RBM6: variants seen among roughly 807,000 people sequenced by gnomAD.
The protein encoded by RBM6 is RNA binding motif protein 6.
A neutral mutation model predicts 140.4 loss-of-function variants in RBM6; 23 were observed. That is an observed-to-expected ratio of 0.16 (90% confidence interval 0.12 to 0.23). The LOEUF is 0.23. Ranked by LOEUF, RBM6 falls within the 10% of genes least tolerant of loss-of-function variation. The probability of loss-of-function intolerance (pLI) is 1.00; values close to 1 mark genes in which losing one functional copy is unlikely to be tolerated. For missense variants in RBM6, 1,139 were observed against 1,386.7 expected (o/e 0.82, Z 2.84); for synonymous variants, 439 against 475.6 (o/e 0.92, Z 1.00).
chr3:50,070,592 T>C (rs754872010), intron 19 of RBM6, 40 bp downstream of exon 19: 7 of 1,463,648 alleles, frequency 4.8e-6, no homozygotes, highest in Non-Finnish European at 5.7e-6. Context: ...GCCTCAAGCC[T>C]AATGATAAAA....
At chr3:49,962,756 A>C in intron 2 of RBM6, 71 bp downstream of exon 2, 1 of 1,332,944 alleles carries the variant, frequency 7.5e-7, no homozygotes, top group Non-Finnish European at 1.0e-6. Flanking sequence ...TTCGCCTACT[A>C]TAAATGAAGA....
At chr3:49,947,762 G>A (rs917524780) in intron 1 of RBM6, among the ~76,000 whole-genome samples, 4 of 152,130 alleles carry the variant, frequency 2.6e-5, no homozygotes, top group Non-Finnish European at 5.9e-5. Flanking sequence ...TGTTGTGTAA[G>A]AGTCCCACTT....
At chr3:50,020,775 G>A (rs908740805) in intron 6 of RBM6, among the ~76,000 whole-genome samples, 14 of 152,094 alleles carry the variant, frequency 9.2e-5, no homozygotes, top group African/African-American at 3.4e-4. Flanking sequence ...TTACCATATT[G>A]TATATGATAG....
chr3:50,062,046 A>G lies in RBM6; in HGVS notation c.2524A>G (p.Ser842Gly), dbSNP rs2089962828. ...EKKPTSQGKSSSKKEMSKRDG... is the reference protein window; with the variant it reads ...EKKPTSQGKSGSKKEMSKRDG... The stretch of plus-strand genomic sequence containing the variant: ...AAAACCCACCAGTCAAGGAAAGTCA[A>G]GTAGCAAGAAGGAAATGTCTAAAAG... Residue 842 changes from serine to glycine, a missense_variant, in exon 15 of 21, where the codon AGT becomes GGT. Around this residue, in one of 9 missense-constraint regions of RBM6, gnomAD observed 163 missense variants for 182.8 expected, o/e 0.89. Coordinates refer to ENST00000266022, the MANE Select transcript of RBM6 (RefSeq NM_005777.3). The G allele has an allele frequency of 6.2e-7, 1 of 1,614,162 alleles. No homozygotes were observed. Among genetic ancestry groups the G allele is most frequent in the Non-Finnish European group, 8.5e-7 (1 of 1,180,008 alleles).
intron 8 of RBM6, 65 bp from the exon 9 acceptor site, chr3:50,057,663 G>GTT: frequency 7.1e-7 from 1 of 1,416,254 alleles, no homozygotes; most frequent in Middle Eastern, 1.9e-4. Context: ...CAGTAGCAGT[G>GTT]TTTTTTCTTT....
intron 6 of RBM6, among the ~76,000 whole-genome samples, chr3:50,041,494 A>G (rs1292202648): frequency 6.6e-6 from 1 of 152,220 alleles, no homozygotes; most frequent in Non-Finnish European, 1.5e-5. Context: ...GAACTATAAC[A>G]TATCCTTGTA....
intron 6 of RBM6, among the ~76,000 whole-genome samples, chr3:50,039,132 TGAATTCTGAAGG>T (rs1286276338): frequency 1.3e-5 from 2 of 152,180 alleles, no homozygotes; most frequent in African/African-American, 4.8e-5. Context: ...TATAGAATTC[TGAATTCTGAAGG>T]GAATTCTGAG....
chr3:49,982,262 C>CTT lies in RBM6; in HGVS notation c.1483+6897_1483+6898dup, dbSNP rs751604271. Among the ~76,000 whole-genome samples, 81 of 68,396 alleles carry CTT rather than the reference C, an allele frequency of 1.2e-3. 2 individuals carry two copies. The highest frequency in any genetic ancestry group is 1.4e-3 in the African/African-American group (23 of 16,764). The allele number at this position is 68,396 out of a possible 152,430, so 44.9% of individuals were successfully genotyped here. ...GTACCTTCTGCATTTCTTTTCTTTT[C>CTT]TTTTTTTTTTTTTTTTTTTTTTTTT... On this transcript the variant is annotated intron_variant, in intron 5 of 20. Coordinates refer to ENST00000266022, the MANE Select transcript of RBM6 (RefSeq NM_005777.3).
intron 6 of RBM6, among the ~76,000 whole-genome samples, chr3:50,028,031 C>T (rs1466432892): frequency 6.7e-6 from 1 of 149,546 alleles, no homozygotes; most frequent in Admixed American, 6.8e-5. Context: ...TGAATTCTCT[C>T]TTGGGCTGTG....
intron 6 of RBM6, among the ~76,000 whole-genome samples, chr3:50,033,548 A>G (rs2088309862): frequency 6.6e-6 from 1 of 152,206 alleles, no homozygotes; most frequent in South Asian, 2.1e-4. Context: ...GCACTGATGT[A>G]AGTATATGAA....
chr3:50,018,345 T>C (rs2087280463), intron 6 of RBM6, among the ~76,000 whole-genome samples: 1 of 152,198 alleles, frequency 6.6e-6, no homozygotes, highest in Admixed American at 6.5e-5. Flanking sequence ...TTCCTCTATG[T>C]CTTTTTGTGG....
intron 5 of RBM6, among the ~76,000 whole-genome samples, chr3:49,987,325 G>T (rs11130234): frequency 0.51 from 76,450 of 149,614 alleles, 20,473 homozygotes; most frequent in African/African-American, 0.64. Flanking sequence ...TTCCTTTTTT[G>T]TTTTCTTTTT....
At chr3:50,076,211 C>T (rs547245541) in intron 20 of RBM6, among the ~76,000 whole-genome samples, 5 of 151,574 alleles carry the variant, frequency 3.3e-5, no homozygotes, top group Non-Finnish European at 5.9e-5. Context: ...TCAAGTGATC[C>T]GCCCACCTCA....
At chr3:50,062,821 G>A (rs922865274) in intron 15 of RBM6, among the ~76,000 whole-genome samples, 1 of 150,846 alleles carries the variant, frequency 6.6e-6, no homozygotes, top group Admixed American at 6.6e-5. Flanking sequence ...AAAATTCACG[G>A]TATAACTGTA....
At position 49,947,346 on chromosome 3, in the gene RBM6, C is replaced by A. The variant is rs147753536; in HGVS notation, c.-67+7121C>A. On this transcript the variant is annotated intron_variant, in intron 1 of 20. Transcript: ENST00000266022. ...TCAGGAGGCTGAGGTAGGTGGATCT[C>A]TTGAGCCCAGGTGTTTGAGGGTGCA... Among the ~76,000 whole-genome samples, 117 of 149,718 alleles carry A rather than the reference C, an allele frequency of 7.8e-4. No individual in the cohort carries two copies. The East Asian group carries it at 0.02, about 26-fold the overall frequency.
In RBM6 at chr3:50,061,012, G is replaced by C. The variant is rs1459218514; in HGVS notation, c.2271+14G>C. ...CATTACTATCAGGTAGGCTGTAACAGGTGGGGAGTGCTCTATTAAAATCCT... is the reference window on the plus strand; with the variant it reads ...CATTACTATCAGGTAGGCTGTAACACGTGGGGAGTGCTCTATTAAAATCCT... On this transcript the variant is annotated intron_variant, in intron 12 of 20. Coordinates refer to ENST00000266022, the MANE Select transcript of RBM6 (RefSeq NM_005777.3). The C allele has an allele frequency of 6.3e-7, 1 of 1,595,456 alleles. No homozygotes were observed. The highest frequency in any genetic ancestry group is 8.5e-7 in the Non-Finnish European group (1 of 1,170,996).
In RBM6 at chr3:49,968,592, C is replaced by T. The variant is rs374615252; in HGVS notation, c.1167C>T (p.Gly389=). The T allele has an allele frequency of 2.1e-4, 345 of 1,614,054 alleles. 4 individuals carry two copies. The South Asian group carries it at 3.3e-3, about 15-fold the overall frequency. Residue 389 remains glycine, a synonymous_variant, in exon 3 of 21, where the codon GGC becomes GGT. Transcript: ENST00000266022. ...ATGCTGGTCTGTTTAAAGAAGAAGG[C>T]GGTCTGGACTTTCTTGGGCGGCAAG... ...SSDAGLFKEE[G]GLDFLGRQDT...
intron 5 of RBM6, among the ~76,000 whole-genome samples, chr3:49,979,827 G>A (rs1041537038): frequency 2.0e-5 from 3 of 152,046 alleles, no homozygotes; most frequent in Non-Finnish European, 2.9e-5. Context: ...AAAATTTTAG[G>A]GATTGGAAAT....
rs749566059 is a variant in RBM6 at position 49,968,059 on chromosome 3, C to T, written c.634C>T (p.Arg212Cys). 1.5e-5 allele frequency: 24 copies of T among 1,613,966 alleles called. No homozygotes were observed. Among genetic ancestry groups the T allele is most frequent in the Admixed American group, 3.3e-5 (2 of 59,968 alleles). ...GGATTTTAGGGCCAGAGAACAGTCC[C>T]GTTCTGATTTTAGGAATAGAGATGT... ...DLDFRAREQS[R>C]SDFRNRDVSD... Residue 212 changes from arginine to cysteine, a missense_variant, in exon 3 of 21, where the codon CGT (arginine) becomes TGT (cysteine). Physicochemically the swap from Arg to Cys is radical, Grantham distance 180. Transcript: ENST00000266022.
Sources: gnomAD v4.1 joint callset for allele counts (sites outside exome capture counted in the v4.1 genomes callset) on GRCh38, gnomAD v4.1.1 for gene constraint, gnomAD v4.1.1 regional missense constraint, MANE v1.5 for transcripts, NCBI Gene and HGNC (gene_info 2026-07-23, HGNC 2026-07-21) for gene names.